Variants in KCNC2 observed in about 807,000 individuals in gnomAD.
KCNC2 encodes the protein potassium voltage-gated channel subfamily C member 2, also known as voltage-gated potassium channel KCNC2.
KCNC2 carries 21 observed loss-of-function variants against 44.5 expected under a neutral mutation model. The observed-to-expected ratio is 0.47, with a 90% CI of 0.33 to 0.68. KCNC2 has a LOEUF of 0.68. Ranked by LOEUF, KCNC2 falls within the 30% of genes least tolerant of loss-of-function variation. The pLI is 0.01. For synonymous variants in KCNC2, 391 were observed against 339.1 expected (o/e 1.15, Z -1.68); for missense variants, 589 against 826.2 (o/e 0.71, Z 3.52).
At position 75,181,916 on chromosome 12, in the gene KCNC2, C is replaced by CTTTTTTTTTT. The variant is rs61089425; in HGVS notation, c.687+25371_687+25380dup. On this transcript the variant is annotated intron_variant, in intron 2 of 4. Coordinates refer to ENST00000549446, the MANE Select transcript of KCNC2 (RefSeq NM_139137.4). ...AAACATTATTACTATTAATATCTTCCTTTTTTTTTTTTTTTTTTTTTTTTT... is the reference window on the plus strand; with the variant it reads ...AAACATTATTACTATTAATATCTTCCTTTTTTTTTTTTTTTTTTTTTTTTTTTTTTTTTTT... Among the ~76,000 whole-genome samples the CTTTTTTTTTT allele has an allele frequency of 2.0e-3, 96 of 47,876 alleles. 28 individuals are homozygous for CTTTTTTTTTT. Among genetic ancestry groups the CTTTTTTTTTT allele is most frequent in the East Asian group, 0.018 (18 of 1,014 alleles). 31.4% of individuals were successfully genotyped at this position (47,876 alleles called of 152,430 possible). A position where few individuals can be genotyped will look rare whatever the true frequency, so the allele number is the denominator to read the frequency against.
intron 2 of KCNC2, among the ~76,000 whole-genome samples, chr12:75,172,631 T>C (rs1205237379): frequency 6.6e-6 from 1 of 151,902 alleles, no homozygotes; most frequent in African/African-American, 2.4e-5. Context: ...GATCATCAAC[T>C]GGGAAACCTT....
intron 2 of KCNC2, among the ~76,000 whole-genome samples, chr12:75,120,142 T>C (rs1224019103): frequency 6.6e-6 from 1 of 152,224 alleles, no homozygotes; most frequent in African/African-American, 2.4e-5. Flanking sequence ...GTTTGATATT[T>C]CTAGTCATTT....
At position 75,040,870 on chromosome 12, in the gene KCNC2, A is replaced by G. The variant is rs897909467; in HGVS notation, c.*2235T>C. On this transcript the variant is annotated 3_prime_UTR_variant, in exon 5 of 5. Transcript: ENST00000549446. ...CAAAGAAGTGTGGGCCTTACTTGAA[A>G]CTTCAGAGATGTTGATCATGAATTT... is the stretch of plus-strand genomic sequence containing the variant. 1 of 504,734 alleles carries G rather than the reference A, an allele frequency of 2.0e-6. No individual in the cohort carries two copies. 31.3% of individuals were successfully genotyped at this position (504,734 alleles called of 1,614,324 possible). A position where few individuals can be genotyped will look rare whatever the true frequency, so the allele number is the denominator to read the frequency against.
chr12:75,192,073 A>G (rs2137719551), intron 2 of KCNC2, among the ~76,000 whole-genome samples: 1 of 152,304 alleles, frequency 6.6e-6, no homozygotes, highest in South Asian at 2.1e-4. Flanking sequence ...TTTACATGTA[A>G]TAGTCTTTAC....
At chr12:75,096,778 G>A (rs1885962000) in intron 2 of KCNC2, among the ~76,000 whole-genome samples, 1 of 152,016 alleles carries the variant, frequency 6.6e-6, no homozygotes, top group African/African-American at 2.4e-5. Flanking sequence ...GAAATTTAGA[G>A]ATTAAGACAG....
At chr12:75,086,681 A>AAAAAATATATATATAT (rs1206456289) in intron 2 of KCNC2, among the ~76,000 whole-genome samples, 14 of 54,196 alleles carry the variant, frequency 2.6e-4, no homozygotes, top group Middle Eastern at 0.01. Context: ...AAAAAAAAAA[A>AAAAAATATATATATAT]ATATATATAT....
At chr12:75,106,102 A>C (rs940827186) in intron 2 of KCNC2, among the ~76,000 whole-genome samples, 3 of 152,164 alleles carry the variant, frequency 2.0e-5, no homozygotes, top group Admixed American at 2.0e-4. Flanking sequence ...CTGAAAAAAC[A>C]AATGTTTCAA....
rs1194521010 is a variant in KCNC2, at chr12:75,207,028, G to A, written c.687+269C>T. Among the ~76,000 whole-genome samples, 1 of 152,212 alleles carries A rather than the reference G, an allele frequency of 6.6e-6. No homozygotes were observed. The highest frequency in any genetic ancestry group is 2.4e-5 in the African/African-American group (1 of 41,456). On this transcript the variant is annotated intron_variant, in intron 2 of 4. Transcript: ENST00000549446. The surrounding 1 kb of genome is among the most constrained non-coding windows in gnomAD (Gnocchi z 4.1). ...AGGGTCCAAAGACGTGCACAGAAAA[G>A]TCGACATTGGCCCTCTAGGTCCCAT...
At chr12:75,043,406 C>T in intron 4 of KCNC2, 165 bp from the exon 5 acceptor site, 1 of 1,386,778 alleles carries the variant, frequency 7.2e-7, no homozygotes. Context: ...AAATGAAGCT[C>T]ACTGTAGTTG....
chr12:75,185,875 G>T (rs148768884), intron 2 of KCNC2, among the ~76,000 whole-genome samples: 1 of 151,670 alleles, frequency 6.6e-6, no homozygotes, highest in Admixed American at 6.6e-5. Context: ...GTGAAACTCT[G>T]TCTGTACTAA....
At chr12:75,096,240 G>A (rs572165866) in intron 2 of KCNC2, among the ~76,000 whole-genome samples, 9 of 152,050 alleles carry the variant, frequency 5.9e-5, no homozygotes, top group African/African-American at 1.7e-4. Context: ...AACTACAGGA[G>A]ATTCAATTTT....
intron 2 of KCNC2, among the ~76,000 whole-genome samples, chr12:75,167,665 G>C (rs1891547593): frequency 6.6e-6 from 1 of 151,408 alleles, no homozygotes; most frequent in Non-Finnish European, 1.5e-5. Context: ...AGTTGTAACT[G>C]ATCCATTGTG....
chr12:75,155,403 C>G (rs530291040), intron 2 of KCNC2, among the ~76,000 whole-genome samples: 2 of 151,638 alleles, frequency 1.3e-5, no homozygotes, highest in East Asian at 2.0e-4. Context: ...AGTCTCAAAA[C>G]AAGCTGTAAA....
chr12:75,060,737 C>T, intron 2 of KCNC2, among the ~76,000 whole-genome samples: 1 of 152,094 alleles, frequency 6.6e-6, no homozygotes, highest in East Asian at 1.9e-4. Flanking sequence ...TCCCAAACTG[C>T]TGGGATTATA....
chr12:75,092,382 A>G (rs1885561452), intron 2 of KCNC2, among the ~76,000 whole-genome samples: 2 of 151,710 alleles, frequency 1.3e-5, no homozygotes, highest in East Asian at 3.9e-4. Context: ...TTCTTGACAA[A>G]GTTTTGATAA....
chr12:75,113,490 G>A (rs1038942351), intron 2 of KCNC2, among the ~76,000 whole-genome samples: 1 of 151,984 alleles, frequency 6.6e-6, no homozygotes, highest in Admixed American at 6.6e-5. Flanking sequence ...CAGTATCATC[G>A]TTCAAAATAT....
In KCNC2 at chr12:75,043,026, A is replaced by C. The variant is rs967038461; in HGVS notation, c.*79T>G. The C allele has an allele frequency of 3.8e-6, 6 of 1,580,042 alleles. No individual in the cohort carries two copies. The South Asian group carries it at 7.0e-5, about 18-fold the overall frequency. On this transcript the variant is annotated 3_prime_UTR_variant, in exon 5 of 5. Coordinates refer to ENST00000549446, the MANE Select transcript of KCNC2 (RefSeq NM_139137.4). The stretch of plus-strand genomic sequence containing the variant: ...TTAATGGAGCCTGGAGTAACTCTAC[A>C]TTTAATTATTTCCATTATGGGGTAA...
At chr12:75,089,058 A>C (rs1485879159) in intron 2 of KCNC2, among the ~76,000 whole-genome samples, 14 of 151,996 alleles carry the variant, frequency 9.2e-5, no homozygotes. Flanking sequence ...TGGAAGATTG[A>C]CTACAAATGT....
intron 2 of KCNC2, among the ~76,000 whole-genome samples, chr12:75,197,808 T>C (rs1331771435): frequency 6.6e-6 from 1 of 151,888 alleles, no homozygotes; most frequent in Non-Finnish European, 1.5e-5. Context: ...AAGACTATAG[T>C]GATAAAGAAA....
Sources: allele counts gnomAD v4.1 joint callset (sites outside exome capture counted in the v4.1 genomes callset), GRCh38; gene constraint gnomAD v4.1.1; non-coding constraint Gnocchi (gnomAD v3.1); transcripts MANE v1.5; gene names NCBI Gene and HGNC (gene_info 2026-07-23, HGNC 2026-07-21).